The following RASSF3 variants were observed in gnomAD, a reference collection of about 807,000 sequenced individuals.
The protein encoded by RASSF3 is Ras association domain family member 3, also known as ras association domain-containing protein 3.
In RASSF3, 19 loss-of-function variants were observed where a neutral mutation model predicts 19.9. The observed-to-expected ratio is 0.96, with a 90% CI of 0.67 to 1.40. The LOEUF is 1.40. Ranked by LOEUF, RASSF3 falls within the 40% of genes most tolerant of loss-of-function variation. The pLI, the probability that RASSF3 is intolerant of heterozygous loss-of-function variation, is 0.00. For missense variants in RASSF3, 306 were observed against 289.8 expected, an observed-to-expected ratio of 1.06 and a Z score of -0.41; for synonymous variants, 110 against 104.2, an observed-to-expected ratio of 1.06 and a Z score of -0.34.
chr12:64,604,399 T>A (rs1439492174), intron 2 of RASSF3, among the ~76,000 whole-genome samples: 1 of 152,216 alleles, frequency 6.6e-6, no homozygotes, highest in African/African-American at 2.4e-5. Flanking sequence ...ATGGTAGGAT[T>A]ACAGGTGTGA....
chr12:64,595,365 G>A (rs1869984724), intron 2 of RASSF3, among the ~76,000 whole-genome samples: 1 of 152,028 alleles, frequency 6.6e-6, no homozygotes. Flanking sequence ...ACTGCACCCA[G>A]CTTCTTCATA....
intron 4 of RASSF3, 132 bp downstream of exon 4, chr12:64,691,711 G>GAA: frequency 1.4e-6 from 1 of 713,332 alleles, no homozygotes; most frequent in African/African-American, 1.7e-5. Flanking sequence ...GATGGGAAGA[G>GAA]AAGAGAGTTG....
At chr12:64,672,574 G>A (rs1333246776) in intron 1 of RASSF3, among the ~76,000 whole-genome samples, 2 of 152,050 alleles carry the variant, frequency 1.3e-5, no homozygotes, top group Non-Finnish European at 2.9e-5. Flanking sequence ...CCCAGGCTGA[G>A]TCATGCTCAC....
At chr12:64,520,971 G>A (rs904646605) in intron 1 of RASSF3, among the ~76,000 whole-genome samples, 1 of 152,156 alleles carries the variant, frequency 6.6e-6, no homozygotes, top group African/African-American at 2.4e-5. Flanking sequence ...GATCTACAGA[G>A]AGAGAAGGTG....
At chr12:64,616,354 C>A (rs1240708526) in intron 1 of RASSF3, among the ~76,000 whole-genome samples, 1 of 152,118 alleles carries the variant, frequency 6.6e-6, no homozygotes. Flanking sequence ...TTTAGACTTC[C>A]TTTGGCAGTC....
intron 2 of RASSF3, among the ~76,000 whole-genome samples, chr12:64,588,519 G>GA (rs554023100): frequency 6.1e-5 from 9 of 147,400 alleles, no homozygotes; most frequent in East Asian, 2.0e-4. Context: ...GCACAAAAAG[G>GA]AAAAAAAAAG....
chr12:64,585,280 C>A (rs1565843648), intron 2 of RASSF3, among the ~76,000 whole-genome samples: 2 of 152,110 alleles, frequency 1.3e-5, no homozygotes, highest in Non-Finnish European at 2.9e-5. Context: ...CTTAGAAGGC[C>A]CTCATGATCT....
At chr12:64,652,154 A>G (rs1347094316) in intron 1 of RASSF3, among the ~76,000 whole-genome samples, 1 of 152,184 alleles carries the variant, frequency 6.6e-6, no homozygotes, top group African/African-American at 2.4e-5. Context: ...ATGAGGAAGG[A>G]TGGTATTTTG....
intron 2 of RASSF3, among the ~76,000 whole-genome samples, chr12:64,593,424 G>C (rs1343358133): frequency 6.6e-6 from 1 of 152,032 alleles, no homozygotes; most frequent in African/African-American, 2.4e-5. Flanking sequence ...GTTTTGCCAT[G>C]TTGCCCAGCT....
intron 2 of RASSF3, among the ~76,000 whole-genome samples, chr12:64,584,879 C>T (rs373602075): frequency 4.6e-3 from 374 of 80,610 alleles, no homozygotes; most frequent in Middle Eastern, 0.014. Context: ...CAGAAGGATT[C>T]TTTTTTTTTT....
At chr12:64,507,556 A>G (rs1868299663) in intron 1 of RASSF3, 2 of 338,592 alleles carry the variant, frequency 5.9e-6, no homozygotes, top group African/African-American at 2.1e-5. Flanking sequence ...TTACAATCCA[A>G]TTGTATGCTT....
At chr12:64,617,886 C>T (rs1409935985) in intron 1 of RASSF3, among the ~76,000 whole-genome samples, 1 of 152,124 alleles carries the variant, frequency 6.6e-6, no homozygotes. Flanking sequence ...GGAATGTTGA[C>T]GTGGAAGTGT....
At chr12:64,661,990 T>TAAA (rs58872891) in intron 1 of RASSF3, among the ~76,000 whole-genome samples, 1 of 144,248 alleles carries the variant, frequency 6.9e-6, no homozygotes, top group Admixed American at 7.0e-5. Flanking sequence ...CCCCATCTCT[T>TAAA]AAAAAAAAAA....
intron 2 of RASSF3, among the ~76,000 whole-genome samples, chr12:64,687,393 C>A (rs1453491181): frequency 1.3e-5 from 2 of 151,968 alleles, no homozygotes; most frequent in Non-Finnish European, 2.9e-5. Context: ...ATTCTACCAT[C>A]AGTGAAGGTA....
intron 4 of RASSF3, among the ~76,000 whole-genome samples, chr12:64,693,507 C>G (rs1034750770): frequency 6.6e-6 from 1 of 151,966 alleles, no homozygotes; most frequent in African/African-American, 2.4e-5. Flanking sequence ...CAGCCTCAAT[C>G]TCCCGGGCTC....
intron 1 of RASSF3, among the ~76,000 whole-genome samples, chr12:64,625,596 A>G (rs773921347): frequency 9.9e-5 from 15 of 152,070 alleles, no homozygotes; most frequent in Non-Finnish European, 1.6e-4. Context: ...TCTTGTGCTC[A>G]TGGTTTAGGA....
chr12:64,555,634 A>T (rs1869243505), intron 2 of RASSF3, among the ~76,000 whole-genome samples: 1 of 152,084 alleles, frequency 6.6e-6, no homozygotes, highest in African/African-American at 2.4e-5. Flanking sequence ...TTATAGTCCC[A>T]GCTACTCGGG....
chr12:64,519,792 A>G (rs1204225954), intron 1 of RASSF3, among the ~76,000 whole-genome samples: 1 of 152,128 alleles, frequency 6.6e-6, no homozygotes. Context: ...ATAAACACGT[A>G]TATATGTGTT....
chr12:64,628,179 C>A (rs980312084), intron 1 of RASSF3, among the ~76,000 whole-genome samples: 4 of 152,116 alleles, frequency 2.6e-5, no homozygotes, highest in East Asian at 1.9e-4. Flanking sequence ...CTAGTGCCAA[C>A]AAGAACAAGT....
Sources: gnomAD v4.1 joint callset for allele counts (sites outside exome capture counted in the v4.1 genomes callset) on GRCh38, gnomAD v4.1.1 for gene constraint, MANE v1.5 for transcripts, NCBI Gene and HGNC (gene_info 2026-07-23, HGNC 2026-07-21) for gene names.